The following IPO7 variants were observed in gnomAD, a reference collection of about 807,000 sequenced individuals.
IPO7 encodes importin 7.
In IPO7, 13 loss-of-function variants were observed where a neutral mutation model predicts 136.4. The observed-to-expected ratio is 0.10, with a 90% CI of 0.06 to 0.15. IPO7 has a LOEUF of 0.15. IPO7 is among the 10% of genes least tolerant of loss of function. The pLI is 1.00. For synonymous variants in IPO7, 403 were observed against 404.4 expected (o/e 1.00, Z 0.04); for missense variants, 857 against 1,240.6 (o/e 0.69, Z 4.65).
intron 22 of IPO7, among the ~76,000 whole-genome samples, chr11:9,439,354 G>A (rs1855428307): frequency 6.6e-6 from 1 of 152,022 alleles, no homozygotes; most frequent in Admixed American, 6.6e-5. Context: ...GACCTCAGAT[G>A]ATCCACCCTC....
intron 24 of IPO7, among the ~76,000 whole-genome samples, chr11:9,444,507 C>T (rs1855501445): frequency 6.6e-6 from 1 of 151,770 alleles, no homozygotes; most frequent in Non-Finnish European, 1.5e-5. Flanking sequence ...AGATTGCAGG[C>T]ACGCACCACC....
At chr11:9,431,088 C>G (rs917271707) in intron 16 of IPO7, 85 bp downstream of exon 16, 2 of 1,077,246 alleles carry the variant, frequency 1.9e-6, no homozygotes, top group Non-Finnish European at 2.7e-6. Flanking sequence ...ATCTCATGTA[C>G]CATGTTTTTG....
intron 12 of IPO7, among the ~76,000 whole-genome samples, chr11:9,427,587 C>T (rs1855231179): frequency 6.6e-6 from 1 of 152,152 alleles, no homozygotes; most frequent in African/African-American, 2.4e-5. Context: ...TACCTGTTCA[C>T]CCATCCTTCT....
At chr11:9,386,303 G>A (rs1854551489) in intron 1 of IPO7, among the ~76,000 whole-genome samples, 1 of 152,184 alleles carries the variant, frequency 6.6e-6, no homozygotes, top group Admixed American at 6.5e-5. Flanking sequence ...CTTGGGAGGA[G>A]CTTAGATTTT....
At chr11:9,403,070 T>G (rs1230642010) in intron 1 of IPO7, 2 of 545,680 alleles carry the variant, frequency 3.7e-6, no homozygotes, top group South Asian at 2.1e-5. Flanking sequence ...GGAAGTGCAG[T>G]GCTATACAGG....
intron 10 of IPO7, among the ~76,000 whole-genome samples, 173 bp from the exon 11 acceptor site, chr11:9,424,741 C>G (rs940477291): frequency 1.3e-5 from 2 of 152,128 alleles, no homozygotes; most frequent in Admixed American, 6.6e-5. Flanking sequence ...GACTCCATCT[C>G]AAAACAAACA....
chr11:9,426,494 C>T (rs1242516897), intron 12 of IPO7, among the ~76,000 whole-genome samples: 2 of 152,168 alleles, frequency 1.3e-5, no homozygotes, highest in Admixed American at 6.5e-5. Flanking sequence ...TGTGGACATA[C>T]GTTTTCATTT....
chr11:9,412,647 C>T (rs1437951262), intron 4 of IPO7, among the ~76,000 whole-genome samples: 1 of 152,066 alleles, frequency 6.6e-6, no homozygotes, highest in East Asian at 1.9e-4. Flanking sequence ...GGAACCCCGT[C>T]TCTCCCCTAC....
intron 20 of IPO7, among the ~76,000 whole-genome samples, chr11:9,436,999 C>G (rs1399520007): frequency 6.8e-6 from 1 of 146,012 alleles, no homozygotes; most frequent in Non-Finnish European, 1.5e-5. Flanking sequence ...AGTTCTCTGC[C>G]TCTGCCTCCT....
At chr11:9,415,884 C>G (rs1208359002) in intron 5 of IPO7, among the ~76,000 whole-genome samples, 1 of 151,962 alleles carries the variant, frequency 6.6e-6, no homozygotes, top group East Asian at 1.9e-4. Context: ...GGTCAGTATT[C>G]GCAGTGAAAT....
chr11:9,438,866 A>C (rs1358359119), intron 22 of IPO7, among the ~76,000 whole-genome samples: 1 of 152,224 alleles, frequency 6.6e-6, no homozygotes, highest in Non-Finnish European at 1.5e-5. Flanking sequence ...ATGAGATGTC[A>C]TGCAGTTCTT....
At chr11:9,416,710 T>G (rs916176513) in intron 5 of IPO7, among the ~76,000 whole-genome samples, 2 of 152,144 alleles carry the variant, frequency 1.3e-5, no homozygotes, top group African/African-American at 4.8e-5. Flanking sequence ...GGATGTCAGA[T>G]AAAGCATTTG....
At chr11:9,422,142 G>C (rs1855141891) in intron 8 of IPO7, among the ~76,000 whole-genome samples, 1 of 152,078 alleles carries the variant, frequency 6.6e-6, no homozygotes, top group African/African-American at 2.4e-5. Context: ...AGCCAGGTGT[G>C]GTGGTGCATG....
At chr11:9,430,472 A>G (rs2133757174) in intron 15 of IPO7, 1 of 168,046 alleles carries the variant, frequency 6.0e-6, no homozygotes, top group South Asian at 1.6e-4. Context: ...AATGCTCAAA[A>G]TAATCGATTG....
In IPO7 at chr11:9,414,350, A is replaced by G; in HGVS notation, c.575A>G (p.Gln192Arg). The G allele has an allele frequency of 6.2e-7, 1 of 1,612,370 alleles. No homozygotes were observed. Among genetic ancestry groups the G allele is most frequent in the South Asian group, 1.1e-5 (1 of 91,018 alleles). ...CGTTTTATCCAGCTTCTTTCTGACC[A>G]GTCTGATCAGTCTGTCCTCATCCAG... ...KDRFIQLLSD[Q>R]SDQSVLIQKQ... is the part of the protein sequence containing the mutation. The change falls in exon 5 of 25, where the codon CAG (glutamine) becomes CGG (arginine). Residue 192 changes from glutamine (Q) to arginine (R), a missense_variant. By Grantham distance (43) the Gln-to-Arg change is conservative. This residue lies in a region of IPO7 where 287 missense variants were observed against 307.5 expected (regional missense o/e 0.93). Coordinates refer to ENST00000379719, the MANE Select transcript of IPO7 (RefSeq NM_006391.3).
intron 1 of IPO7, among the ~76,000 whole-genome samples, chr11:9,386,444 G>A (rs916818040): frequency 6.6e-6 from 1 of 152,100 alleles, no homozygotes; most frequent in African/African-American, 2.4e-5. Flanking sequence ...AAATTATTTT[G>A]CTTATTAAAT....
At chr11:9,425,090 T>C (rs1169488302) in intron 11 of IPO7, 56 bp from the exon 12 acceptor site, 4 of 1,328,112 alleles carry the variant, frequency 3.0e-6, no homozygotes, top group Middle Eastern at 2.5e-4. Flanking sequence ...TTTGTTAGTA[T>C]GTTTTTTAAG....
At chr11:9,400,660 G>A (rs1424392812) in intron 1 of IPO7, among the ~76,000 whole-genome samples, 1 of 151,586 alleles carries the variant, frequency 6.6e-6, no homozygotes, top group African/African-American at 2.4e-5. Flanking sequence ...CTGACCTCGT[G>A]GTCCGCCCGC....
rs982597888 is a variant in IPO7 at position 9,408,571 on chromosome 11, A to G, written c.252A>G (p.Pro84=). Residue 84 remains proline (P), a synonymous_variant, in exon 3 of 25, where the codon CCA becomes CCG. Transcript: ENST00000379719. Reference sequence around the variant, plus strand: ...GGGATATATCCCCTTATACTATTCCAGAAGAAGATCGCCATTGTATTCGAG... The same window carrying G: ...GGGATATATCCCCTTATACTATTCCGGAAGAAGATCGCCATTGTATTCGAG... ...APGDISPYTI[P]EEDRHCIREN... 44 of 1,611,206 alleles carry G rather than the reference A, an allele frequency of 2.7e-5. No homozygotes were observed. The highest frequency in any genetic ancestry group is 3.5e-5 in the Non-Finnish European group (41 of 1,178,286).
Sources: gnomAD v4.1 joint callset for allele counts (sites outside exome capture counted in the v4.1 genomes callset) on GRCh38, gnomAD v4.1.1 for gene constraint, gnomAD v4.1.1 regional missense constraint, MANE v1.5 for transcripts, NCBI Gene and HGNC (gene_info 2026-07-23, HGNC 2026-07-21) for gene names.